Variants in NDUFS1 observed in about 807,000 individuals in gnomAD.
The protein encoded by NDUFS1 is NADH:ubiquinone oxidoreductase core subunit S1.
Under a neutral mutation model 84.4 loss-of-function variants are expected in NDUFS1, and 61 were observed. The ratio of observed to expected loss-of-function variants is 0.72; its 90% CI spans 0.59 to 0.89. The LOEUF (loss-of-function observed/expected upper bound fraction) is 0.89, where lower values mean the gene tolerates loss of function less well. NDUFS1 is among the 40% of genes least tolerant of loss of function. The pLI, the probability that NDUFS1 is intolerant of heterozygous loss-of-function variation, is 0.00. For synonymous variants in NDUFS1, 275 were observed against 290.0 expected (o/e 0.95, Z 0.53); for missense variants, 891 against 890.0 (o/e 1.00, Z -0.01).
At chr2:206,129,527 T>C (rs1158285047) in intron 15 of NDUFS1, among the ~76,000 whole-genome samples, 1 of 151,830 alleles carries the variant, frequency 6.6e-6, no homozygotes, top group Non-Finnish European at 1.5e-5. Context: ...CCTCTCAAAG[T>C]GGTGGGATTA....
At chr2:206,124,847 T>A (rs866771744) in intron 18 of NDUFS1, among the ~76,000 whole-genome samples, 42 of 151,752 alleles carry the variant, frequency 2.8e-4, no homozygotes, top group African/African-American at 4.3e-4. Flanking sequence ...CTCAAAAAAA[T>A]AAATAAATAA....
intron 18 of NDUFS1, among the ~76,000 whole-genome samples, chr2:206,124,725 G>A (rs886111709): frequency 7.2e-5 from 11 of 152,142 alleles, no homozygotes; most frequent in African/African-American, 2.4e-4. Context: ...TGTAGTCCCA[G>A]CTACTCGGGA....
At chr2:206,143,601 A>G (rs1692046885) in intron 10 of NDUFS1, among the ~76,000 whole-genome samples, 1 of 146,342 alleles carries the variant, frequency 6.8e-6, no homozygotes, top group Non-Finnish European at 1.5e-5. Context: ...TTTTTTTTTG[A>G]GATGGAGTCT....
chr2:206,158,039 C>G lies in NDUFS1; in HGVS notation c.-5+1302G>C, dbSNP rs561745039. ...AGTGCAGCGGAGCGATCTCGGCTCA[C>G]TGCAAGCCCCGCCACCCGGGTTCAC... is the stretch of plus-strand genomic sequence containing the variant. On this transcript the variant is annotated intron_variant, in intron 1 of 18. Transcript: ENST00000233190. 2.9e-4 allele frequency among the ~76,000 whole-genome samples: 44 copies of G among 150,300 alleles called. No homozygotes were observed. In the South Asian group the frequency reaches 6.7e-3, roughly 23 times the overall value.
intron 1 of NDUFS1, among the ~76,000 whole-genome samples, chr2:206,158,525 T>C (rs973194161): frequency 6.6e-6 from 1 of 152,258 alleles, no homozygotes; most frequent in African/African-American, 2.4e-5. Flanking sequence ...GTGAACTGAA[T>C]CTCTAATTTC....
In NDUFS1 at chr2:206,116,087, T is replaced by C. The variant is rs188207544; in HGVS notation, c.*8098A>G. ...TCTGCTGGGTTGCGTTATTTCATAC[T>C]AGCTTATTTAGTGGTTCCATTTTCA... is the stretch of plus-strand genomic sequence containing the variant. On this transcript the variant is annotated 3_prime_UTR_variant, in exon 19 of 19. Transcript: ENST00000233190. The C allele has an allele frequency of 3.5e-5, 39 of 1,124,236 alleles. No homozygotes were observed. In the African/African-American group the frequency reaches 4.6e-4, roughly 13 times the overall value. The allele number at this position is 1,124,236 out of a possible 1,614,324, so 69.6% of individuals were successfully genotyped here.
At chr2:206,136,968 G>C (rs1444638354) in intron 13 of NDUFS1, among the ~76,000 whole-genome samples, 4 of 150,682 alleles carry the variant, frequency 2.7e-5, no homozygotes, top group Admixed American at 2.0e-4. Context: ...GGTCAGGCTG[G>C]TCTCAAACTC....
chr2:206,129,900 T>A (rs764031376), intron 15 of NDUFS1, among the ~76,000 whole-genome samples, 188 bp downstream of exon 15: 4 of 151,978 alleles, frequency 2.6e-5, no homozygotes, highest in Non-Finnish European at 5.9e-5. Context: ...CAGGTAATAA[T>A]TCTTAAAAGC....
At chr2:206,139,513 T>A (rs1038030932) in intron 12 of NDUFS1, among the ~76,000 whole-genome samples, 3 of 152,194 alleles carry the variant, frequency 2.0e-5, no homozygotes, top group African/African-American at 7.2e-5. Context: ...TTAGAATTAA[T>A]CTGTAATTTT....
chr2:206,150,007 T>TAC, intron 3 of NDUFS1, 82 bp from the exon 4 acceptor site: 1 of 868,846 alleles, frequency 1.2e-6, no homozygotes, highest in Admixed American at 2.0e-5. Flanking sequence ...AACACACACA[T>TAC]ACAGCATCTT....
chr2:206,142,113 GACAT>G (rs1231822289), intron 11 of NDUFS1, 44 bp from the exon 12 acceptor site: 3 of 1,496,150 alleles, frequency 2.0e-6, no homozygotes, highest in Non-Finnish European at 2.8e-6. Flanking sequence ...TTAAAATTAA[GACAT>G]ACAGAGAATC....
chr2:206,129,012 G>A (rs772676475), intron 15 of NDUFS1, among the ~76,000 whole-genome samples: 30 of 151,918 alleles, frequency 2.0e-4, no homozygotes, highest in Non-Finnish European at 4.3e-4. Context: ...AGGCATAAAC[G>A]AAAAACTACA....
At chr2:206,153,921 CAG>C (rs1692473677) in intron 1 of NDUFS1, among the ~76,000 whole-genome samples, 1 of 152,122 alleles carries the variant, frequency 6.6e-6, no homozygotes, top group African/African-American at 2.4e-5. Flanking sequence ...TAATTCTATG[CAG>C]AGAGCAGTTT....
intron 18 of NDUFS1, 96 bp from the exon 19 acceptor site, chr2:206,124,372 A>G: frequency 1.1e-6 from 1 of 892,090 alleles, no homozygotes; most frequent in Non-Finnish European, 1.9e-6. Flanking sequence ...AGGAAAAAAG[A>G]TTATAAGGCC....
In NDUFS1 at chr2:206,116,124, A is replaced by T; in HGVS notation, c.*8061T>A. 2.1e-6 allele frequency: 3 copies of T among 1,456,510 alleles called. No homozygotes were observed. Among genetic ancestry groups the T allele is most frequent in the Non-Finnish European group, 2.9e-6 (3 of 1,038,034 alleles). The allele number at this position is 1,456,510 out of a possible 1,614,324, so 90.2% of individuals were successfully genotyped here. On this transcript the variant is annotated 3_prime_UTR_variant, in exon 19 of 19. Transcript: ENST00000233190. The stretch of plus-strand genomic sequence containing the variant: ...TGGTTCCATTTTCACTCCTCAATAG[A>T]TTTTATGTATTTCTCATATGCTTCT...
At chr2:206,152,559 A>T (rs749077138) in intron 2 of NDUFS1, 49 bp from the exon 3 acceptor site, 1 of 1,498,346 alleles carries the variant, frequency 6.7e-7, no homozygotes, top group Non-Finnish European at 9.3e-7. Context: ...AGTTTATTAT[A>T]GCAGATGATA....
At chr2:206,125,470 T>TACACACAC (rs373368439) in intron 18 of NDUFS1, among the ~76,000 whole-genome samples, 1 of 148,498 alleles carries the variant, frequency 6.7e-6, no homozygotes, top group African/African-American at 2.5e-5. Context: ...TCAAAAATTA[T>TACACACAC]ACACACACAC....
intron 5 of NDUFS1, among the ~76,000 whole-genome samples, chr2:206,148,751 A>G (rs1464868350): frequency 6.6e-6 from 1 of 152,354 alleles, no homozygotes; most frequent in East Asian, 1.9e-4. Flanking sequence ...GTATAGTAGT[A>G]GCTTAGTAAG....
At chr2:206,140,943 T>TATATATATATATATACACACACACAC (rs367723817) in intron 12 of NDUFS1, among the ~76,000 whole-genome samples, 8 of 136,110 alleles carry the variant, frequency 5.9e-5, no homozygotes, top group Admixed American at 1.5e-4. Flanking sequence ...TATATATATA[T>TATATATATATATATACACACACACAC]ACACACACAC....
Sources: gnomAD v4.1 joint callset for allele counts (sites outside exome capture counted in the v4.1 genomes callset) on GRCh38, gnomAD v4.1.1 for gene constraint, MANE v1.5 for transcripts, NCBI Gene and HGNC (gene_info 2026-07-23, HGNC 2026-07-21) for gene names.